PCNX2: variants seen among roughly 807,000 people sequenced by gnomAD.
The protein encoded by PCNX2 is pecanex-like protein 2.
In PCNX2, 168 loss-of-function variants were observed where a neutral mutation model predicts 223.8. That is an observed-to-expected ratio of 0.75 (90% confidence interval 0.66 to 0.85). The LOEUF is 0.85. Among genes scored for constraint, PCNX2 ranks in the 40% least tolerant of loss-of-function variants. The pLI is 0.00. For synonymous variants in PCNX2, 1,006 were observed against 1,052.6 expected, an observed-to-expected ratio of 0.96 and a Z score of 0.86; for missense variants, 2,507 against 2,675.5, an observed-to-expected ratio of 0.94 and a Z score of 1.39.
At chr1:233,159,641 A>G (rs996577634) in intron 19 of PCNX2, among the ~76,000 whole-genome samples, 3 of 152,240 alleles carry the variant, frequency 2.0e-5, no homozygotes, top group African/African-American at 7.2e-5. Context: ...CAGAGCAAGG[A>G]AAGATCTAGC....
At chr1:233,012,125 CTGT>C (rs1670489483) in intron 28 of PCNX2, among the ~76,000 whole-genome samples, 1 of 152,144 alleles carries the variant, frequency 6.6e-6, no homozygotes, top group Non-Finnish European at 1.5e-5. Context: ...GTGTTGATGA[CTGT>C]TGTTTTTGTG....
intron 21 of PCNX2, among the ~76,000 whole-genome samples, chr1:233,123,194 G>T (rs983032388): frequency 6.6e-6 from 1 of 152,152 alleles, no homozygotes; most frequent in African/African-American, 2.4e-5. Flanking sequence ...TAAGATATAA[G>T]TAACAGGGAA....
intron 26 of PCNX2, chr1:233,018,982 T>C: frequency 2.0e-6 from 2 of 985,428 alleles, no homozygotes; most frequent in Non-Finnish European, 1.2e-6. Flanking sequence ...GAAACCCTTT[T>C]CTAGGGGGGC....
Position 233,236,924 on chromosome 1 carries a change from G to A in PCNX2, c.2279C>T (p.Ser760Phe). ...AAGGGCACTGACGGCAGGGTCCCCA[G>A]AAGACGGATCTTGACTCTCAGAAGT... ...TTTSESQDPS[S>F]GDPAVSALQQ... is the part of the protein sequence containing the mutation. The change falls in exon 9 of 34, where the codon TCT (serine) becomes TTT (phenylalanine). Residue 760 changes from serine to phenylalanine, a missense_variant. This residue lies in a region of PCNX2 where 1,031 missense variants were observed against 1,021.7 expected (regional missense o/e 1.01). Transcript: ENST00000258229. The A allele has an allele frequency of 6.2e-7, 1 of 1,614,022 alleles. No homozygotes were observed. The highest frequency in any genetic ancestry group is 8.5e-7 in the Non-Finnish European group (1 of 1,179,878).
chr1:233,027,013 G>C (rs564814734), intron 25 of PCNX2, among the ~76,000 whole-genome samples: 1 of 152,246 alleles, frequency 6.6e-6, no homozygotes, highest in South Asian at 2.1e-4. Flanking sequence ...ATGGAGAAGA[G>C]GTCTGAGAAG....
At chr1:233,152,039 C>T (rs1214608733) in intron 19 of PCNX2, among the ~76,000 whole-genome samples, 1 of 152,222 alleles carries the variant, frequency 6.6e-6, no homozygotes, top group Non-Finnish European at 1.5e-5. Flanking sequence ...CCTGCGGCCA[C>T]CTCCAGCCTT....
At chr1:233,013,227 G>A (rs950033560) in intron 28 of PCNX2, among the ~76,000 whole-genome samples, 4 of 152,166 alleles carry the variant, frequency 2.6e-5, no homozygotes, top group Admixed American at 2.0e-4. Context: ...CTGTAAAAAC[G>A]ATCATGAAAT....
intron 17 of PCNX2, among the ~76,000 whole-genome samples, chr1:233,168,159 T>C (rs1678912254): frequency 6.6e-6 from 1 of 152,076 alleles, no homozygotes; most frequent in South Asian, 2.1e-4. Context: ...AAAAAGCAAA[T>C]TTAGGTCTTT....
rs569629543 is a variant in PCNX2 at position 233,208,401 on chromosome 1, G to A, written c.2863+117C>T. 6.4e-5 allele frequency: 73 copies of A among 1,132,648 alleles called. No individual in the cohort carries two copies. The African/African-American group carries it at 1.1e-3, about 17-fold the overall frequency. The allele number at this position is 1,132,648 out of a possible 1,614,324, so 70.2% of individuals were successfully genotyped here. A position where few individuals can be genotyped will look rare whatever the true frequency, so the allele number is the denominator to read the frequency against. ...CTTCGGTAGATATGCAAGCCAAGAG[G>A]AAAGTGCACATCTCTTCACCCAATA... On this transcript the variant is annotated intron_variant, in intron 13 of 33. Transcript: ENST00000258229.
intron 26 of PCNX2, among the ~76,000 whole-genome samples, chr1:233,019,562 G>A (rs899332974): frequency 3.3e-5 from 5 of 152,080 alleles, no homozygotes; most frequent in Non-Finnish European, 7.3e-5. Context: ...ACATGGCCTG[G>A]CCCGTTGATA....
intron 19 of PCNX2, among the ~76,000 whole-genome samples, chr1:233,141,223 G>A (rs1677091947): frequency 6.6e-6 from 1 of 152,162 alleles, no homozygotes; most frequent in Non-Finnish European, 1.5e-5. Context: ...CAGCTTCACT[G>A]GGGCTCTGCA....
chr1:233,022,279 C>CA (rs1670917371), intron 26 of PCNX2, among the ~76,000 whole-genome samples: 1 of 152,148 alleles, frequency 6.6e-6, no homozygotes, highest in Admixed American at 6.5e-5. Context: ...TCATTCAGTA[C>CA]AAAAAAACAA....
Position 233,236,842 on chromosome 1 carries a change from T to C in PCNX2, c.2358+3A>G. 1 of 1,613,478 alleles carries C rather than the reference T, an allele frequency of 6.2e-7. No individual in the cohort carries two copies. The highest frequency in any genetic ancestry group is 8.5e-7 in the Non-Finnish European group (1 of 1,179,802). On this transcript the variant is annotated splice_donor_region_variant and intron_variant, in intron 9 of 33. Transcript: ENST00000258229. ...ACAAACAGCAATTCTGGAATGTACG[T>C]ACCCGTGGGGTTTCCGACTGGGTCC...
At chr1:233,197,383 G>C (rs1173317190) in intron 15 of PCNX2, among the ~76,000 whole-genome samples, 2 of 152,084 alleles carry the variant, frequency 1.3e-5, no homozygotes, top group African/African-American at 4.8e-5. Flanking sequence ...AAAGACAGTG[G>C]AAAGATGTTC....
At chr1:233,294,349 T>C (rs1236448545) in intron 1 of PCNX2, among the ~76,000 whole-genome samples, 3 of 152,210 alleles carry the variant, frequency 2.0e-5, no homozygotes, top group Non-Finnish European at 4.4e-5. Context: ...ACAGAACTGG[T>C]AACCAGTAGA....
At chr1:233,238,025 T>A (rs1658520692) in intron 8 of PCNX2, among the ~76,000 whole-genome samples, 1 of 152,214 alleles carries the variant, frequency 6.6e-6, no homozygotes, top group African/African-American at 2.4e-5. Context: ...TAAATACTGC[T>A]ATCGTGATGG....
chr1:233,185,520 C>G (rs904212307), intron 15 of PCNX2, among the ~76,000 whole-genome samples: 37 of 152,132 alleles, frequency 2.4e-4, no homozygotes, highest in African/African-American at 8.9e-4. Context: ...CTTACAAGTT[C>G]CCAGCATTAC....
At chr1:233,311,528 C>A in the PCNX2 span, among the ~76,000 whole-genome samples, 1 of 152,128 alleles carries the variant, frequency 6.6e-6, no homozygotes, top group Non-Finnish European at 1.5e-5. Flanking sequence ...AACACCAAAG[C>A]TTTGAATAAC....
chr1:233,229,085 TTTTC>T (rs1325546859), intron 9 of PCNX2, among the ~76,000 whole-genome samples: 1 of 152,170 alleles, frequency 6.6e-6, no homozygotes, highest in Non-Finnish European at 1.5e-5. Flanking sequence ...AGCACAACTT[TTTTC>T]CTAACTTAGG....
Sources: allele counts gnomAD v4.1 joint callset (sites outside exome capture counted in the v4.1 genomes callset), GRCh38; gene constraint gnomAD v4.1.1; regional missense constraint gnomAD v4.1.1; transcripts MANE v1.5; gene names NCBI Gene and HGNC (gene_info 2026-07-23, HGNC 2026-07-21).